POC1A: variants seen among roughly 807,000 people sequenced by gnomAD.
The protein encoded by POC1A is POC1 centriolar protein A.
Under a neutral mutation model 47.8 loss-of-function variants are expected in POC1A, and 34 were observed. The ratio of observed to expected loss-of-function variants is 0.71; its 90% CI spans 0.54 to 0.95. The LOEUF (loss-of-function observed/expected upper bound fraction) is 0.95. Among genes scored for constraint, POC1A ranks in the 40% least tolerant of loss-of-function variants. The probability of loss-of-function intolerance (pLI) is 0.00; values close to 1 mark genes in which losing one functional copy is unlikely to be tolerated. For synonymous variants in POC1A, 177 were observed against 207.6 expected, an observed-to-expected ratio of 0.85 and a Z score of 1.27; for missense variants, 466 against 528.3, an observed-to-expected ratio of 0.88 and a Z score of 1.16.
In POC1A at chr3:52,100,607, C is replaced by CA. The variant is rs1243887895; in HGVS notation, c.982-3896_982-3895insT. Among the ~76,000 whole-genome samples, 4 of 152,258 alleles carry CA rather than the reference C, an allele frequency of 2.6e-5. No homozygotes were observed. The East Asian group carries it at 7.7e-4, about 29-fold the overall frequency. On this transcript the variant is annotated intron_variant, in intron 9 of 10. Transcript: ENST00000296484. ...AGGAGAAGAGACGCCAAATACCATA[C>CA]GAGTGGGTAAGTTACAGTTTTAACA...
chr3:52,103,461 G>A (rs993022185), intron 9 of POC1A, among the ~76,000 whole-genome samples: 1 of 152,202 alleles, frequency 6.6e-6, no homozygotes, highest in African/African-American at 2.4e-5. Flanking sequence ...GGGAGGCAGA[G>A]GTTGTAGTGA....
In POC1A at chr3:52,148,661, C is replaced by T. The variant is rs536392767; in HGVS notation, c.455+549G>A. Among the ~76,000 whole-genome samples, 5 of 152,372 alleles carry T rather than the reference C, an allele frequency of 3.3e-5. No individual in the cohort carries two copies. In the South Asian group the frequency reaches 1.0e-3, roughly 32 times the overall value. On this transcript the variant is annotated intron_variant, in intron 4 of 10. Transcript: ENST00000296484. ...CCATCTCCGAAGCCTGCGCCCCCAT[C>T]TGGGAGCTCTGGAGCAAAATCATCC...
At chr3:52,100,824 G>A (rs1219604991) in intron 9 of POC1A, among the ~76,000 whole-genome samples, 4 of 152,100 alleles carry the variant, frequency 2.6e-5, no homozygotes, top group Admixed American at 6.5e-5. Context: ...TAGGAGAGGA[G>A]AGTGAGTAAG....
At chr3:52,082,280 G>C (rs1215569300) in intron 10 of POC1A, among the ~76,000 whole-genome samples, 1 of 152,224 alleles carries the variant, frequency 6.6e-6, no homozygotes, top group African/African-American at 2.4e-5. Context: ...GCAGGACCCA[G>C]GGTGATGTCA....
At chr3:52,095,338 G>T (rs1702775162) in intron 10 of POC1A, among the ~76,000 whole-genome samples, 1 of 152,154 alleles carries the variant, frequency 6.6e-6, no homozygotes, top group Non-Finnish European at 1.5e-5. Flanking sequence ...TCTTCAGTGG[G>T]CCCAAGGTGT....
chr3:52,140,944 T>C (rs1698172058), intron 6 of POC1A, among the ~76,000 whole-genome samples: 1 of 152,154 alleles, frequency 6.6e-6, no homozygotes, highest in African/African-American at 2.4e-5. Flanking sequence ...CTGAGCATGA[T>C]CCACTTTTTT....
chr3:52,085,810 G>C (rs1328936637), intron 10 of POC1A, among the ~76,000 whole-genome samples: 1 of 152,228 alleles, frequency 6.6e-6, no homozygotes, highest in Non-Finnish European at 1.5e-5. Flanking sequence ...CATAGTCACT[G>C]CAATATTCAT....
chr3:52,145,971 C>G lies in POC1A; in HGVS notation c.564-10G>C, dbSNP rs377149161. On this transcript the variant is annotated splice_polypyrimidine_tract_variant and intron_variant, in intron 5 of 10. Coordinates refer to ENST00000296484, the MANE Select transcript of POC1A (RefSeq NM_015426.5). ...CACATAGGTGACAAAGCTGGAAAGACAGGGGCCACTATGCACTATAGGAGG... is the reference window on the plus strand; with the variant it reads ...CACATAGGTGACAAAGCTGGAAAGAGAGGGGCCACTATGCACTATAGGAGG... 4.2e-5 allele frequency: 65 copies of G among 1,553,982 alleles called. No homozygotes were observed. In the African/African-American group the frequency reaches 8.0e-4, roughly 19 times the overall value.
intron 9 of POC1A, among the ~76,000 whole-genome samples, chr3:52,119,952 C>CCTATGGGGTTG (rs1703711284): frequency 6.6e-6 from 1 of 152,094 alleles, no homozygotes; most frequent in Non-Finnish European, 1.5e-5. Context: ...GACATGGCTG[C>CCTATGGGGTTG]AGTGCTCCTG....
rs117565725 is a variant in POC1A at position 52,110,214 on chromosome 3, A to G, written c.981+12165T>C. On this transcript the variant is annotated intron_variant, in intron 9 of 10. Transcript: ENST00000296484. Reference sequence around the variant, plus strand: ...GGCAAGAGCAAGGCCCCAGCCCTCCAGGGAGAAAAGTTAGGTCTGTAAATA... The same window carrying G: ...GGCAAGAGCAAGGCCCCAGCCCTCCGGGGAGAAAAGTTAGGTCTGTAAATA... Among the ~76,000 whole-genome samples the G allele has an allele frequency of 1.5e-3, 232 of 152,344 alleles. No homozygotes were observed. In the East Asian group the frequency reaches 0.02, roughly 13 times the overall value.
At chr3:52,102,634 T>C (rs893297218) in intron 9 of POC1A, among the ~76,000 whole-genome samples, 2 of 152,258 alleles carry the variant, frequency 1.3e-5, no homozygotes, top group African/African-American at 4.8e-5. Flanking sequence ...GGGGTTAGGA[T>C]GTAGACATAT....
chr3:52,125,701 G>A (rs1476663707), intron 7 of POC1A, among the ~76,000 whole-genome samples: 1 of 152,146 alleles, frequency 6.6e-6, no homozygotes, highest in African/African-American at 2.4e-5. Context: ...ACAGGTGACA[G>A]GAAGGAGGTT....
intron 9 of POC1A, among the ~76,000 whole-genome samples, chr3:52,116,826 G>A (rs1386754692): frequency 6.6e-6 from 1 of 152,156 alleles, no homozygotes; most frequent in Non-Finnish European, 1.5e-5. Context: ...AGAGGCAGGA[G>A]AACTGCTTGA....
intron 10 of POC1A, among the ~76,000 whole-genome samples, chr3:52,077,659 GC>G (rs1329069840): frequency 6.6e-6 from 1 of 152,250 alleles, no homozygotes; most frequent in Admixed American, 6.5e-5. Context: ...CCCCTGGCTG[GC>G]CCGGGGCAGC....
chr3:52,131,788 C>T (rs1201754012), intron 7 of POC1A, among the ~76,000 whole-genome samples: 1 of 152,150 alleles, frequency 6.6e-6, no homozygotes, highest in Non-Finnish European at 1.5e-5. Flanking sequence ...GAGACAACAA[C>T]CCTAAGCAAA....
intron 8 of POC1A, among the ~76,000 whole-genome samples, chr3:52,123,858 G>A (rs1162524648): frequency 6.6e-6 from 1 of 152,194 alleles, no homozygotes; most frequent in African/African-American, 2.4e-5. Flanking sequence ...TCTATTTACT[G>A]TGTGAAGTTA....
chr3:52,143,847 CA>C (rs775323109), intron 6 of POC1A, among the ~76,000 whole-genome samples: 5 of 152,188 alleles, frequency 3.3e-5, no homozygotes, highest in Non-Finnish European at 7.3e-5. Flanking sequence ...CTAGCACTGC[CA>C]ATCAGGCCAC....
intron 7 of POC1A, among the ~76,000 whole-genome samples, chr3:52,133,166 T>C (rs1166840905): frequency 1.3e-5 from 2 of 152,318 alleles, no homozygotes; most frequent in East Asian, 1.9e-4. Context: ...GGTGCACTTA[T>C]GAAAGGGCTT....
At position 52,125,483 on chromosome 3, in the gene POC1A, T is replaced by C. The variant is rs376959568; in HGVS notation, c.814-302A>G. Among the ~76,000 whole-genome samples, 113 of 152,212 alleles carry C rather than the reference T, an allele frequency of 7.4e-4. 2 individuals carry two copies. The South Asian group carries it at 0.023, about 31-fold the overall frequency. ...TGGCAGCCCTCCAGGGCTGGCCTCA[T>C]TGTCCCCACTTTCCCAGTAAGAAAC... On this transcript the variant is annotated intron_variant, in intron 7 of 10. Transcript: ENST00000296484.
Sources: allele counts gnomAD v4.1 joint callset (sites outside exome capture counted in the v4.1 genomes callset), GRCh38; gene constraint gnomAD v4.1.1; transcripts MANE v1.5; gene names NCBI Gene and HGNC (gene_info 2026-07-23, HGNC 2026-07-21).